The following HSPG2 variants were observed in gnomAD, a reference collection of about 807,000 sequenced individuals.
HSPG2 encodes basement membrane-specific heparan sulfate proteoglycan core protein.
Under a neutral mutation model 526.6 loss-of-function variants are expected in HSPG2, and 278 were observed. The ratio of observed to expected loss-of-function variants is 0.53; its 90% CI spans 0.48 to 0.58. The LOEUF (loss-of-function observed/expected upper bound fraction) is 0.58. Among genes scored for constraint, HSPG2 ranks in the 20% least tolerant of loss-of-function variants. The probability of loss-of-function intolerance (pLI) is 0.00; values close to 1 mark genes in which losing one functional copy is unlikely to be tolerated. For synonymous variants in HSPG2, 2,465 were observed against 2,555.4 expected (o/e 0.96, Z 1.07); for missense variants, 5,354 against 6,099.5 (o/e 0.88, Z 4.07).
intron 1 of HSPG2, 110 bp downstream of exon 1, chr1:21,937,045 G>T: frequency 6.4e-6 from 2 of 312,604 alleles, no homozygotes; most frequent in Non-Finnish European, 9.4e-6. Context: ...CAGAGTCCCC[G>T]CCGCGCAGCC....
intron 91 of HSPG2, among the ~76,000 whole-genome samples, chr1:21,825,633 C>T (rs1265861167): frequency 6.6e-6 from 1 of 152,158 alleles, no homozygotes; most frequent in Non-Finnish European, 1.5e-5. Context: ...CCTCTGCTAC[C>T]CTCCACCAAA....
chr1:21,826,805 G>A (rs886974569), intron 91 of HSPG2, among the ~76,000 whole-genome samples: 12 of 152,136 alleles, frequency 7.9e-5, no homozygotes, highest in African/African-American at 2.4e-4. Context: ...CAGTGTGCCC[G>A]GCCAGCTGAA....
chr1:21,834,618 C>A (rs1010525183), intron 77 of HSPG2, 61 bp downstream of exon 77: 5 of 1,579,672 alleles, frequency 3.2e-6, no homozygotes, highest in Non-Finnish European at 4.3e-6. Flanking sequence ...CAGAAGATGG[C>A]AGCAGGAGAA....
chr1:21,842,350 C>A lies in HSPG2; in HGVS notation c.8941G>T (p.Val2981Phe), dbSNP rs2229490. 1.9e-6 allele frequency: 3 copies of A among 1,609,814 alleles called. No individual in the cohort carries two copies. The highest frequency in any genetic ancestry group is 3.3e-5 in the Admixed American group (2 of 59,794). Residue 2981 changes from valine to phenylalanine, a missense_variant, in exon 68 of 97, where the codon GTC becomes TTC. Physicochemically the swap from Val to Phe is conservative, Grantham distance 50. Transcript: ENST00000374695. ...TACTCGCCTGAGTCGGCAGGGGAGA[C>A]GAGGTGGAGCCGCAGCTGGGAGCCA... Reference protein sequence around the residue: ...THGSQLRLHLVSPADSGEYVC... With the variant: ...THGSQLRLHLFSPADSGEYVC...
rs367870244 is a variant in HSPG2, at chr1:21,890,094, C to T, written c.461G>A (p.Gly154Glu). The stretch of plus-strand genomic sequence containing the variant: ...CTGAATCTGAGCCCCATCCGCATTC[C>T]CTTCCGAGCCCACATCCAGCTCCAC... The part of the protein sequence containing the change: ...VFVELDVGSE[G>E]NADGAQIQEM... The change falls in exon 6 of 97, where the codon GGG becomes GAG. Residue 154 changes from glycine (G) to glutamate (E), a missense_variant. Coordinates refer to ENST00000374695, the MANE Select transcript of HSPG2 (RefSeq NM_005529.7). This position sits in a 1 kb window ranked among gnomAD's most constrained non-coding sequence, Gnocchi z 4.1. 3 of 1,613,954 alleles carry T rather than the reference C, an allele frequency of 1.9e-6. No individual in the cohort carries two copies. Among genetic ancestry groups the T allele is most frequent in the Non-Finnish European group, 2.5e-6 (3 of 1,179,972 alleles).
At chr1:21,932,956 C>T (rs532054001) in intron 1 of HSPG2, among the ~76,000 whole-genome samples, 26 of 152,208 alleles carry the variant, frequency 1.7e-4, no homozygotes, top group African/African-American at 5.8e-4. Flanking sequence ...CAGTGGCTCA[C>T]GCCTATAATC....
At chr1:21,825,358 T>G (rs1266426832) in intron 91 of HSPG2, 1 of 172,962 alleles carries the variant, frequency 5.8e-6, no homozygotes, top group Non-Finnish European at 1.2e-5. Flanking sequence ...CTGTCTGGCT[T>G]TAGCCCTGAA....
intron 81 of HSPG2, 48 bp from the exon 82 acceptor site, chr1:21,831,844 G>A: frequency 6.5e-7 from 1 of 1,549,134 alleles, no homozygotes; most frequent in Non-Finnish European, 8.7e-7. Flanking sequence ...TAGGGGGTTT[G>A]TAAGAAGGGC....
At chr1:21,870,086 TG>T in intron 33 of HSPG2, 2 of 233,130 alleles carry the variant, frequency 8.6e-6, no homozygotes, top group Non-Finnish European at 1.4e-5. Context: ...GGCTGGGGCC[TG>T]GCCTGGCATA....
At position 21,845,958 on chromosome 1, in the gene HSPG2, G is replaced by T. The variant is rs1173142197; in HGVS notation, c.8464+150C>A. On this transcript the variant is annotated intron_variant, in intron 64 of 96. Coordinates refer to ENST00000374695, the MANE Select transcript of HSPG2 (RefSeq NM_005529.7). ...ACCTGAGCCGGCTCCTTGGTCCTGG[G>T]ACCGTGTGGGTGGCGGGAGGTGAAG... 22 of 939,676 alleles carry T rather than the reference G, an allele frequency of 2.3e-5. No individual in the cohort carries two copies. In the South Asian group the frequency reaches 3.0e-4, roughly 13 times the overall value. The allele number at this position is 939,676 out of a possible 1,614,324, so 58.2% of individuals were successfully genotyped here.
Position 21,884,562 on chromosome 1 carries a change from G to T in HSPG2, c.1620C>A (p.Ile540=). ...CQSTRRFRDQ[I]RLRFDQPDDF... ...CATCGGGTTGGTCAAAGCGCAGCCT[G>T]ATCTGGTCCCGGAAGCGGCGGGTGC... The change falls in exon 13 of 97, where the codon ATC becomes ATA. Residue 540 remains isoleucine (I), a synonymous_variant. Transcript: ENST00000374695. 6.2e-7 allele frequency: 1 copy of T among 1,611,372 alleles called. No individual in the cohort carries two copies. The highest frequency in any genetic ancestry group is 8.5e-7 in the Non-Finnish European group (1 of 1,179,930).
chr1:21,865,771 G>A lies in HSPG2; in HGVS notation c.4260C>T (p.Ser1420=), dbSNP rs773365415. 2 of 1,613,902 alleles carry A rather than the reference G, an allele frequency of 1.2e-6. No individual in the cohort carries two copies. Among genetic ancestry groups the A allele is most frequent in the Non-Finnish European group, 1.7e-6 (2 of 1,180,000 alleles). ...AYGGKLRYTL[S]YTAGPQGSPL... ...GGCTGCCCTGTGGGCCTGCTGTGTA[G>A]GAGAGGGTGTATCGCAACTTCCCAC... Residue 1420 remains serine, a synonymous_variant, in exon 34 of 97, where the codon TCC becomes TCT. Transcript: ENST00000374695. The surrounding 1 kb of genome is among the most constrained non-coding windows in gnomAD (Gnocchi z 5.4).
rs555783259 is a variant in HSPG2, at chr1:21,894,850, C to A, written c.244+1072G>T. ...CCACCTGACACTCCCTCTCCCAAGC[C>A]CCACCCAGCTCCCAGGCATCCTGCA... is the stretch of plus-strand genomic sequence containing the variant. On this transcript the variant is annotated intron_variant, in intron 3 of 96. Coordinates refer to ENST00000374695, the MANE Select transcript of HSPG2 (RefSeq NM_005529.7). 2.0e-5 allele frequency among the ~76,000 whole-genome samples: 3 copies of A among 152,286 alleles called. No homozygotes were observed. In the East Asian group the frequency reaches 5.8e-4, roughly 29 times the overall value.
At chr1:21,896,442 G>T in intron 1 of HSPG2, 132 bp from the exon 2 acceptor site, 2 of 1,104,416 alleles carry the variant, frequency 1.8e-6, no homozygotes, top group Non-Finnish European at 2.7e-6. Context: ...GACTTAGTAT[G>T]GCTCAGTGAG....
intron 13 of HSPG2, among the ~76,000 whole-genome samples, chr1:21,882,021 A>G (rs569578130): frequency 6.6e-6 from 1 of 152,068 alleles, no homozygotes; most frequent in South Asian, 2.1e-4. Context: ...CTGGAGCAGC[A>G]TTTCCCAAAG....
In HSPG2 at chr1:21,875,843, C is replaced by A. The variant is rs752820475; in HGVS notation, c.3183+20G>T. On this transcript the variant is annotated intron_variant, in intron 24 of 96. Coordinates refer to ENST00000374695, the MANE Select transcript of HSPG2 (RefSeq NM_005529.7). ...AAGGGCCTGCCCGCACCCCTACCCC[C>A]AGGGGACAGTATTGCTCACCTCCCG... 4 of 1,613,332 alleles carry A rather than the reference C, an allele frequency of 2.5e-6. No individual in the cohort carries two copies. In the Admixed American group the frequency reaches 6.7e-5, roughly 27 times the overall value.
rs552998854 is a variant in HSPG2, at chr1:21,872,843, C to A, written c.3889-83G>T. The A allele has an allele frequency of 6.4e-7, 1 of 1,565,996 alleles. No homozygotes were observed. Among genetic ancestry groups the A allele is most frequent in the African/African-American group, 1.3e-5 (1 of 74,138 alleles). On this transcript the variant is annotated intron_variant, in intron 31 of 96. Transcript: ENST00000374695. This position sits in a 1 kb window ranked among gnomAD's most constrained non-coding sequence, Gnocchi z 5.5. ...AGCAGCCTGAGGCCAGCCTCCCTGG[C>A]CACTTCCAGCAGCCCCGGGCAGCCC...
In HSPG2 at chr1:21,857,309, G is replaced by A; in HGVS notation, c.5370C>T (p.Thr1790=). ...SQSVRPGADV[T]FICTAKSKSP... ...CCTTGCTTTTGGCTGTGCAGATGAA[G>A]GTGACGTCAGCTCCGGGGCGCACGC... The change falls in exon 43 of 97, where the codon ACC becomes ACT. Residue 1790 remains threonine, a synonymous_variant. Transcript: ENST00000374695. The A allele has an allele frequency of 6.2e-7, 1 of 1,614,120 alleles. No individual in the cohort carries two copies. Among genetic ancestry groups the A allele is most frequent in the South Asian group, 1.1e-5 (1 of 91,080 alleles).
chr1:21,883,736 C>T (rs372604117), intron 13 of HSPG2, among the ~76,000 whole-genome samples: 5 of 152,202 alleles, frequency 3.3e-5, no homozygotes, highest in African/African-American at 4.8e-5. Context: ...TCCTCTGCAA[C>T]GAAGAAGTGA....
Sources: gnomAD v4.1 joint callset for allele counts (sites outside exome capture counted in the v4.1 genomes callset) on GRCh38, gnomAD v4.1.1 for gene constraint, Gnocchi (gnomAD v3.1) non-coding constraint, MANE v1.5 for transcripts, NCBI Gene and HGNC (gene_info 2026-07-23, HGNC 2026-07-21) for gene names.